ASB14: variants seen among roughly 807,000 people sequenced by gnomAD.
ASB14 encodes the protein ankyrin repeat and SOCS box containing 14, also known as ankyrin repeat and SOCS box protein 14.
Under a neutral mutation model 55.6 loss-of-function variants are expected in ASB14, and 63 were observed. The observed-to-expected ratio is 1.13, with a 90% CI of 0.92 to 1.40. The LOEUF (loss-of-function observed/expected upper bound fraction) is 1.40. Ranked by LOEUF, ASB14 falls within the 40% of genes most tolerant of loss-of-function variation. The pLI is 0.00. For synonymous variants in ASB14, 256 were observed against 259.9 expected (o/e 0.98, Z 0.15); for missense variants, 724 against 710.4 (o/e 1.02, Z -0.22).
rs138693457 is a variant in ASB14 at position 57,268,402 on chromosome 3, G to A, written c.*1239C>T. On this transcript the variant is annotated 3_prime_UTR_variant, in exon 11 of 11. Transcript: ENST00000487349. ...TTTTATTCATCTGTTCTTTAGGATC[G>A]TAGGGCATCAGAAAAACAAAAAGAA... 61 of 1,570,960 alleles carry A rather than the reference G, an allele frequency of 3.9e-5. No individual in the cohort carries two copies. The highest frequency in any genetic ancestry group is 6.8e-5 in the East Asian group (3 of 44,346).
At chr3:57,269,718 G>C (rs2060922823) in intron 10 of ASB14, 100 bp from the exon 11 acceptor site, 1 of 1,607,742 alleles carries the variant, frequency 6.2e-7, no homozygotes, top group Admixed American at 1.7e-5. Flanking sequence ...TTCCCCCTTG[G>C]AATTTGACAG....
chr3:57,292,211 A>T (rs1336452300), intron 1 of ASB14, 107 bp from the exon 2 acceptor site: 5 of 844,998 alleles, frequency 5.9e-6, no homozygotes, highest in African/African-American at 1.7e-5. Context: ...AAATTTCTAT[A>T]AACTTAAAAA....
In ASB14 at chr3:57,291,333, T is replaced by C. The variant is rs1014660472; in HGVS notation, c.122+579A>G. On this transcript the variant is annotated intron_variant, in intron 2 of 10. Coordinates refer to ENST00000487349, the MANE Select transcript of ASB14 (RefSeq NM_001142733.3). ...TGGTTACTGCCTCAGGAGACCAAGGTTGCTGATTGGCCAGCGAGCGTGTGA... is the reference window on the plus strand; with the variant it reads ...TGGTTACTGCCTCAGGAGACCAAGGCTGCTGATTGGCCAGCGAGCGTGTGA... 6.8e-4 allele frequency among the ~76,000 whole-genome samples: 103 copies of C among 151,878 alleles called. 1 individual carries two copies. Among genetic ancestry groups the C allele is most frequent in the Non-Finnish European group, 6.0e-4 (41 of 67,988 alleles).
chr3:57,292,608 T>C (rs940611576), intron 1 of ASB14, 25 bp downstream of exon 1: 1 of 152,698 alleles, frequency 6.5e-6, no homozygotes, highest in Non-Finnish European at 1.5e-5. Context: ...AGAATACATT[T>C]GGTCACATTT....
intron 6 of ASB14, 39 bp from the exon 7 acceptor site, chr3:57,280,512 T>C (rs1331571928): frequency 2.0e-6 from 3 of 1,508,788 alleles, no homozygotes; most frequent in Non-Finnish European, 2.7e-6. Flanking sequence ...AAAAATTATT[T>C]TCCACTGTAT....
Position 57,268,544 on chromosome 3 carries a change from AC to A in ASB14, c.*1096del. The A allele has an allele frequency of 1.3e-6, 2 of 1,485,270 alleles. No individual in the cohort carries two copies. Among genetic ancestry groups the A allele is most frequent in the Admixed American group, 4.6e-5 (2 of 43,514 alleles). 92.0% of individuals were successfully genotyped at this position (1,485,270 alleles called of 1,614,324 possible). A position where few individuals can be genotyped will look rare whatever the true frequency, so the allele number is the denominator to read the frequency against. On this transcript the variant is annotated 3_prime_UTR_variant, in exon 11 of 11. Transcript: ENST00000487349. ...GTTGTTTGTGAAGACTTAATTCAGC[AC>A]TATGACTTTCAGATTTGAATTTCCA...
intron 10 of ASB14, among the ~76,000 whole-genome samples, chr3:57,274,796 C>T (rs1330801073): frequency 1.3e-5 from 2 of 152,188 alleles, no homozygotes; most frequent in African/African-American, 4.8e-5. Flanking sequence ...AGGTTCAATA[C>T]AGAAACCATA....
chr3:57,277,926 G>A lies in ASB14; in HGVS notation c.1432-6C>T. ...AAAGTTATTACTTCACAGAACTGAG[G>A]GAAACAAAATCAGAATTAGGAAAGT... On this transcript the variant is annotated splice_polypyrimidine_tract_variant and splice_region_variant and intron_variant, in intron 8 of 10. Transcript: ENST00000487349. 1 of 1,607,026 alleles carries A rather than the reference G, an allele frequency of 6.2e-7. No homozygotes were observed. The highest frequency in any genetic ancestry group is 8.5e-7 in the Non-Finnish European group (1 of 1,177,398).
At chr3:57,286,475 G>A (rs2061081808) in intron 5 of ASB14, among the ~76,000 whole-genome samples, 2 of 147,416 alleles carry the variant, frequency 1.4e-5, no homozygotes, top group South Asian at 4.2e-4. Context: ...TTTATAGTAT[G>A]AACTCACATT....
Position 57,291,820 on chromosome 3 carries a change from G to A in ASB14, c.122+92C>T. 2 of 1,159,138 alleles carry A rather than the reference G, an allele frequency of 1.7e-6. 1 individual carries two copies. Among genetic ancestry groups the A allele is most frequent in the East Asian group, 5.5e-5 (2 of 36,426 alleles). The allele number at this position is 1,159,138 out of a possible 1,614,324, so 71.8% of individuals were successfully genotyped here. ...CAGCTCCTTGGATTCTGACCCTCCT[G>A]TTTTTGTCACAACACTAGAGTTAAG... is the stretch of plus-strand genomic sequence containing the variant. On this transcript the variant is annotated intron_variant, in intron 2 of 10. Transcript: ENST00000487349.
intron 7 of ASB14, among the ~76,000 whole-genome samples, chr3:57,279,298 G>C (rs1180116735): frequency 8.0e-6 from 1 of 124,526 alleles, no homozygotes; most frequent in Non-Finnish European, 1.6e-5. Context: ...TTTTTGAGAC[G>C]GAGTTTCCTC....
intron 5 of ASB14, among the ~76,000 whole-genome samples, chr3:57,287,335 G>GA (rs1319546076): frequency 6.6e-6 from 1 of 152,142 alleles, no homozygotes; most frequent in Admixed American, 6.5e-5. Context: ...TTCCTCCAGA[G>GA]AACCCCCGGC....
chr3:57,287,437 T>G (rs1244840322), intron 5 of ASB14, among the ~76,000 whole-genome samples: 2 of 152,274 alleles, frequency 1.3e-5, no homozygotes, highest in East Asian at 3.9e-4. Context: ...GTGTTTTCAA[T>G]CTAGTACTCC....
chr3:57,283,076 C>G (rs1293627607), intron 6 of ASB14, 118 bp downstream of exon 6: 8 of 1,351,034 alleles, frequency 5.9e-6, no homozygotes, highest in Non-Finnish European at 7.0e-6. Context: ...TAATTTTTAT[C>G]AAACATTTAT....
intron 2 of ASB14, among the ~76,000 whole-genome samples, chr3:57,289,496 C>A (rs769729856): frequency 6.6e-6 from 1 of 151,968 alleles, no homozygotes; most frequent in East Asian, 1.9e-4. Context: ...AGAATGTCAA[C>A]GATTCTAGCA....
At chr3:57,283,494 GCAT>G in intron 5 of ASB14, 55 bp from the exon 6 acceptor site, 3 of 1,491,892 alleles carry the variant, frequency 2.0e-6, no homozygotes, top group Admixed American at 2.0e-5. Flanking sequence ...GCCCAAAGTA[GCAT>G]ATCTGCAAGT....
At chr3:57,284,579 A>G (rs557251207) in intron 5 of ASB14, among the ~76,000 whole-genome samples, 1 of 152,364 alleles carries the variant, frequency 6.6e-6, no homozygotes, top group Non-Finnish European at 1.5e-5. Context: ...GGTGCCACAG[A>G]AATGGAATCA....
chr3:57,288,085 A>C, intron 4 of ASB14, 26 bp from the exon 5 acceptor site: 1 of 1,535,646 alleles, frequency 6.5e-7, no homozygotes, highest in Middle Eastern at 1.7e-4. Context: ...CATACCACAC[A>C]AATTAAGATA....
At chr3:57,271,575 A>G (rs968933267) in intron 10 of ASB14, 4 of 152,142 alleles carry the variant, frequency 2.6e-5, no homozygotes, top group African/African-American at 9.7e-5. Context: ...ACAAATTGTC[A>G]CCTCACTTAG....
Sources: gnomAD v4.1 joint callset for allele counts (sites outside exome capture counted in the v4.1 genomes callset) on GRCh38, gnomAD v4.1.1 for gene constraint, MANE v1.5 for transcripts, NCBI Gene and HGNC (gene_info 2026-07-23, HGNC 2026-07-21) for gene names.